The following LPA variants were observed in gnomAD, a reference collection of about 807,000 sequenced individuals.
LPA encodes apolipoprotein(a).
A neutral mutation model predicts 197.9 loss-of-function variants in LPA; 199 were observed. That is an observed-to-expected ratio of 1.01 (90% confidence interval 0.90 to 1.13). The LOEUF (loss-of-function observed/expected upper bound fraction) is 1.13, where lower values mean the gene tolerates loss of function less well. Among genes scored for constraint, LPA ranks in the 50% most tolerant of loss-of-function variants. The pLI is 0.00. For synonymous variants in LPA, 715 were observed against 639.5 expected (o/e 1.12, Z -1.78); for missense variants, 1,853 against 1,785.8 (o/e 1.04, Z -0.68).
intron 37 of LPA, among the ~76,000 whole-genome samples, chr6:160,536,238 T>C (rs948083956): frequency 2.6e-5 from 4 of 152,212 alleles, no homozygotes; most frequent in Admixed American, 1.3e-4. Context: ...TACTCCATGA[T>C]TGGGAGGACC....
chr6:160,593,870 G>T (rs529347880), intron 22 of LPA, 88 bp downstream of exon 22: 1 of 1,499,038 alleles, frequency 6.7e-7, no homozygotes, highest in Non-Finnish European at 9.3e-7. Context: ...AGATAAATTT[G>T]TCATAAGAAG....
At chr6:160,610,651 C>G (rs1468714580) in intron 16 of LPA, among the ~76,000 whole-genome samples, 3 of 152,150 alleles carry the variant, frequency 2.0e-5, no homozygotes, top group Non-Finnish European at 4.4e-5. Context: ...CTCCTTTCCT[C>G]CACAAACCAG....
In LPA at chr6:160,542,683, C is replaced by T. The variant is rs1778000247; in HGVS notation, c.5519+5G>A. ...AGTATAGATGGTTTCTGGGCCTGTTCTTACCTTGTTCTGAGACTGACTTGC... is the reference window on the plus strand; with the variant it reads ...AGTATAGATGGTTTCTGGGCCTGTTTTTACCTTGTTCTGAGACTGACTTGC... On this transcript the variant is annotated splice_donor_5th_base_variant and intron_variant, in intron 34 of 38. Coordinates refer to ENST00000316300, the MANE Select transcript of LPA (RefSeq NM_005577.4). 1 of 1,613,132 alleles carries T rather than the reference C, an allele frequency of 6.2e-7. No homozygotes were observed. Among genetic ancestry groups the T allele is most frequent in the African/African-American group, 1.3e-5 (1 of 74,972 alleles).
chr6:160,653,976 TATATAATATATAATA>T lies in LPA; in HGVS notation c.50-3494_50-3480del, dbSNP rs1562354451. 6.2e-4 allele frequency among the ~76,000 whole-genome samples: 14 copies of T among 22,410 alleles called. 3 individuals are homozygous for T. Among genetic ancestry groups the T allele is most frequent in the Admixed American group, 1.9e-3 (2 of 1,042 alleles). 14.7% of individuals were successfully genotyped at this position (22,410 alleles called of 152,430 possible). A position where few individuals can be genotyped will look rare whatever the true frequency, so the allele number is the denominator to read the frequency against. ...TATATATAATATATATTATATATAA[TATATAATATATAATA>T]TATATTATATATAATATATATTATA... On this transcript the variant is annotated intron_variant, in intron 1 of 38. Coordinates refer to ENST00000316300, the MANE Select transcript of LPA (RefSeq NM_005577.4).
intron 16 of LPA, among the ~76,000 whole-genome samples, chr6:160,610,403 G>T (rs546356061): frequency 6.6e-6 from 1 of 152,034 alleles, no homozygotes; most frequent in Admixed American, 6.5e-5. Context: ...GGCTGTTCTG[G>T]GGTCTCCACT....
At chr6:160,611,362 A>C (rs1779511374) in intron 16 of LPA, among the ~76,000 whole-genome samples, 200 bp downstream of exon 16, 1 of 152,026 alleles carries the variant, frequency 6.6e-6, no homozygotes, top group African/African-American at 2.4e-5. Flanking sequence ...TCTGCTCCAC[A>C]AAACTAGGAG....
In LPA at chr6:160,542,758, G is replaced by A. The variant is rs373268080; in HGVS notation, c.5449C>T (p.Pro1817Ser). 11 of 1,613,972 alleles carry A rather than the reference G, an allele frequency of 6.8e-6. No homozygotes were observed. The highest frequency in any genetic ancestry group is 1.3e-5 in the African/African-American group (1 of 74,910). Residue 1817 changes from proline to serine, a missense_variant, in exon 34 of 39, where the codon CCT (proline) becomes TCT (serine). Coordinates refer to ENST00000316300, the MANE Select transcript of LPA (RefSeq NM_005577.4). ...GKPQVEPKKC[P>S]GSIVGGCVAH... ...ACACACCCCCCTACAATGCTTCCAGGACATTTCTTCGGCTCCACTTGAGGC... is the reference window on the plus strand; with the variant it reads ...ACACACCCCCCTACAATGCTTCCAGAACATTTCTTCGGCTCCACTTGAGGC...
chr6:160,647,952 ATTC>A lies in LPA; in HGVS notation c.210-1560_210-1558del, dbSNP rs1482982825. ...CTGCAGAAAGTTCCCTTCTTGTTCTATTCTTCTTCTCCTTAATTCCTTAGGGTC... is the reference window on the plus strand; with the variant it reads ...CTGCAGAAAGTTCCCTTCTTGTTCTATTCTTCTCCTTAATTCCTTAGGGTC... On this transcript the variant is annotated intron_variant, in intron 2 of 38. Coordinates refer to ENST00000316300, the MANE Select transcript of LPA (RefSeq NM_005577.4). 6.6e-5 allele frequency among the ~76,000 whole-genome samples: 10 copies of A among 152,130 alleles called. No individual in the cohort carries two copies. The East Asian group carries it at 9.7e-4, about 15-fold the overall frequency.
intron 22 of LPA, among the ~76,000 whole-genome samples, chr6:160,592,694 G>C (rs904620226): frequency 1.1e-4 from 16 of 152,122 alleles, no homozygotes; most frequent in Admixed American, 3.3e-4. Flanking sequence ...CTTTTTTCTG[G>C]AAGGCAGTTA....
At position 160,558,162 on chromosome 6, in the gene LPA, A is replaced by G. The variant is rs566367772; in HGVS notation, c.4632-591T>C. Among the ~76,000 whole-genome samples the G allele has an allele frequency of 2.7e-4, 41 of 151,924 alleles. 1 individual carries two copies. The South Asian group carries it at 6.7e-3, about 25-fold the overall frequency. The stretch of plus-strand genomic sequence containing the variant: ...TCTCAATCTCCTGACCTCGTGATCC[A>G]CCCACCTCGGCCTCCCAAAGTGCTG... On this transcript the variant is annotated intron_variant, in intron 28 of 38. Transcript: ENST00000316300.
At chr6:160,608,676 A>G (rs1779412961) in intron 16 of LPA, among the ~76,000 whole-genome samples, 1 of 152,074 alleles carries the variant, frequency 6.6e-6, no homozygotes. Flanking sequence ...GTTTTCGGCC[A>G]TCCTTGATTC....
intron 1 of LPA, among the ~76,000 whole-genome samples, chr6:160,659,089 T>G (rs947516636): frequency 1.3e-5 from 2 of 152,112 alleles, no homozygotes; most frequent in African/African-American, 4.8e-5. Context: ...GCTGAAGAAC[T>G]TGGAGTCCGA....
At chr6:160,543,582 T>C (rs1778018477) in intron 33 of LPA, among the ~76,000 whole-genome samples, 1 of 152,204 alleles carries the variant, frequency 6.6e-6, no homozygotes, top group East Asian at 1.9e-4. Flanking sequence ...AATCTATCTA[T>C]AGAAGTCTTT....
chr6:160,542,824 G>A lies in LPA; in HGVS notation c.5399-16C>T, dbSNP rs759599573. 1 of 1,613,778 alleles carries A rather than the reference G, an allele frequency of 6.2e-7. No homozygotes were observed. Among genetic ancestry groups the A allele is most frequent in the Non-Finnish European group, 8.5e-7 (1 of 1,179,772 alleles). ...GAAGAGGATGCTGTGGCACAAGGTG[G>A]GAAAAGAAGTCGCATTTGAGTCCAA... On this transcript the variant is annotated splice_polypyrimidine_tract_variant and intron_variant, in intron 33 of 38. Transcript: ENST00000316300.
chr6:160,578,151 G>C (rs964915067), intron 27 of LPA, among the ~76,000 whole-genome samples: 2 of 152,112 alleles, frequency 1.3e-5, no homozygotes, highest in African/African-American at 4.8e-5. Flanking sequence ...AGATTGCAAT[G>C]AAAAAAGTCT....
Position 160,599,469 on chromosome 6 carries a change from C to T in LPA, c.3287+31G>A, listed in dbSNP as rs376205619. ...CTAACAGAAACTTCCATTGGCCCTT[C>T]CTTCGCTTATGGTAAAGAACAAAGA... On this transcript the variant is annotated intron_variant, in intron 20 of 38. Coordinates refer to ENST00000316300, the MANE Select transcript of LPA (RefSeq NM_005577.4). 5 of 1,612,106 alleles carry T rather than the reference C, an allele frequency of 3.1e-6. No individual in the cohort carries two copies. In the African/African-American group the frequency reaches 5.3e-5, roughly 17 times the overall value.
At chr6:160,542,873 C>T in intron 33 of LPA, 65 bp from the exon 34 acceptor site, 1 of 1,608,362 alleles carries the variant, frequency 6.2e-7, no homozygotes, top group East Asian at 2.2e-5. Flanking sequence ...TCGTTTAATT[C>T]AGGACGAATT....
intron 30 of LPA, among the ~76,000 whole-genome samples, chr6:160,553,954 T>TGCGTGTGTGTGTGTGTGCGC (rs1554231704): frequency 3.1e-5 from 4 of 130,748 alleles, no homozygotes; most frequent in Admixed American, 7.4e-5. Context: ...TGTGTGTGTG[T>TGCGTGTGTGTGTGTGTGCGC]GCGCGCGCGC....
chr6:160,581,262 G>A (rs1778789945), intron 26 of LPA, among the ~76,000 whole-genome samples: 2 of 151,834 alleles, frequency 1.3e-5, no homozygotes, highest in African/African-American at 4.8e-5. Context: ...TTCTGTTTTT[G>A]TTTGCATATG....
Sources: allele counts gnomAD v4.1 joint callset (sites outside exome capture counted in the v4.1 genomes callset), GRCh38; gene constraint gnomAD v4.1.1; transcripts MANE v1.5; gene names NCBI Gene and HGNC (gene_info 2026-07-23, HGNC 2026-07-21).